TNNI3K: variants seen among roughly 807,000 people sequenced by gnomAD.
TNNI3K encodes the protein serine/threonine-protein kinase TNNI3K.
TNNI3K carries 140 observed loss-of-function variants against 114.5 expected under a neutral mutation model. The observed-to-expected ratio is 1.22, with a 90% CI of 1.07 to 1.41. The LOEUF (loss-of-function observed/expected upper bound fraction) is 1.41. TNNI3K is among the 40% of genes most tolerant of loss of function. The pLI, the probability that TNNI3K is intolerant of heterozygous loss-of-function variation, is 0.00. For missense variants in TNNI3K, 1,125 were observed against 1,007.6 expected, an observed-to-expected ratio of 1.12 and a Z score of -1.58; for synonymous variants, 347 against 347.5, an observed-to-expected ratio of 1.00 and a Z score of 0.02.
chr1:74,257,968 C>T (rs1655432218), intron 4 of TNNI3K, among the ~76,000 whole-genome samples: 1 of 152,010 alleles, frequency 6.6e-6, no homozygotes. Context: ...TGCCCGGCCG[C>T]CTCTCGGCAT....
At chr1:74,533,196 A>G (rs1293168118) in intron 23 of TNNI3K, among the ~76,000 whole-genome samples, 1 of 152,212 alleles carries the variant, frequency 6.6e-6, no homozygotes, top group East Asian at 1.9e-4. Flanking sequence ...CAGAATCTAC[A>G]ATGAACTCAA....
intron 21 of TNNI3K, chr1:74,475,428 A>G (rs1668148662): frequency 1.4e-6 from 1 of 717,022 alleles, no homozygotes; most frequent in Admixed American, 2.0e-5. Context: ...TCATATTTCC[A>G]GGAGGCTCTG....
intron 17 of TNNI3K, among the ~76,000 whole-genome samples, chr1:74,420,262 T>C (rs1308407907): frequency 6.6e-6 from 1 of 152,150 alleles, no homozygotes; most frequent in Non-Finnish European, 1.5e-5. Context: ...TTTAAATTAA[T>C]ATATTTTAAA....
intron 13 of TNNI3K, among the ~76,000 whole-genome samples, chr1:74,368,556 G>A (rs1004032235): frequency 3.3e-5 from 5 of 151,734 alleles, no homozygotes; most frequent in South Asian, 2.1e-4. Flanking sequence ...ATGGATATTT[G>A]GCTAAGCCTA....
At chr1:74,459,193 A>G (rs1169440165) in intron 20 of TNNI3K, among the ~76,000 whole-genome samples, 1 of 152,234 alleles carries the variant, frequency 6.6e-6, no homozygotes, top group Non-Finnish European at 1.5e-5. Flanking sequence ...TTGCAGCAAC[A>G]TGGATGTAGC....
chr1:74,453,446 G>A (rs1172773384), intron 20 of TNNI3K, among the ~76,000 whole-genome samples: 1 of 152,130 alleles, frequency 6.6e-6, no homozygotes, highest in Non-Finnish European at 1.5e-5. Context: ...CTACATATTA[G>A]CCATTTACAA....
At chr1:74,491,529 C>T (rs1669075697) in intron 22 of TNNI3K, among the ~76,000 whole-genome samples, 1 of 152,138 alleles carries the variant, frequency 6.6e-6, no homozygotes, top group South Asian at 2.1e-4. Flanking sequence ...TGTGAGCCAC[C>T]ACACCCAGCC....
chr1:74,534,816 G>A (rs1646640075), intron 23 of TNNI3K, among the ~76,000 whole-genome samples: 1 of 152,098 alleles, frequency 6.6e-6, no homozygotes, highest in Non-Finnish European at 1.5e-5. Flanking sequence ...CCTTAACGAT[G>A]GGTTTATGTG....
intron 5 of TNNI3K, among the ~76,000 whole-genome samples, chr1:74,277,071 C>T (rs1656728877): frequency 6.6e-6 from 1 of 152,046 alleles, no homozygotes; most frequent in Non-Finnish European, 1.5e-5. Context: ...CTCTTTTTCC[C>T]TTTAGGTTTG....
At chr1:74,328,909 G>C (rs1036378024) in intron 5 of TNNI3K, among the ~76,000 whole-genome samples, 3 of 152,030 alleles carry the variant, frequency 2.0e-5, no homozygotes, top group African/African-American at 7.2e-5. Flanking sequence ...ATTGTAAAAA[G>C]CTTAATCTAC....
intron 5 of TNNI3K, among the ~76,000 whole-genome samples, chr1:74,316,355 A>G (rs1335047261): frequency 2.0e-5 from 3 of 152,196 alleles, no homozygotes; most frequent in Admixed American, 6.5e-5. Context: ...AAAGTCTATG[A>G]GATATGCCAC....
intron 2 of TNNI3K, among the ~76,000 whole-genome samples, chr1:74,238,730 G>T (rs764706269): frequency 2.6e-4 from 39 of 151,966 alleles, no homozygotes; most frequent in Non-Finnish European, 2.5e-4. Context: ...AGACATTTTT[G>T]GAGAGAAAGA....
intron 22 of TNNI3K, among the ~76,000 whole-genome samples, chr1:74,491,202 G>A (rs190277838): frequency 1.0e-3 from 157 of 152,216 alleles, no homozygotes; most frequent in African/African-American, 3.5e-3. Context: ...GATAATTAGG[G>A]TGAGTCCAAC....
At chr1:74,428,624 A>G (rs935353080) in intron 17 of TNNI3K, among the ~76,000 whole-genome samples, 1 of 152,050 alleles carries the variant, frequency 6.6e-6, no homozygotes, top group African/African-American at 2.4e-5. Flanking sequence ...CCCAAGGTAC[A>G]CGGAGGTGTC....
chr1:74,524,322 C>T (rs1646474449), intron 23 of TNNI3K, among the ~76,000 whole-genome samples: 2 of 152,188 alleles, frequency 1.3e-5, no homozygotes, highest in Admixed American at 1.3e-4. Context: ...TGTGGGCCTG[C>T]CAGAAACAGA....
chr1:74,275,882 T>C (rs1350497643), intron 5 of TNNI3K, among the ~76,000 whole-genome samples: 1 of 152,070 alleles, frequency 6.6e-6, no homozygotes, highest in African/African-American at 2.4e-5. Context: ...AAGAGATTAG[T>C]AGAACACAGA....
chr1:74,531,252 A>G, intron 23 of TNNI3K, among the ~76,000 whole-genome samples: 1 of 152,264 alleles, frequency 6.6e-6, no homozygotes, highest in African/African-American at 2.4e-5. Flanking sequence ...GTTTCAATTT[A>G]GGACATTGTC....
At chr1:74,321,402 T>C (rs1284008307) in intron 5 of TNNI3K, among the ~76,000 whole-genome samples, 1 of 152,114 alleles carries the variant, frequency 6.6e-6, no homozygotes, top group African/African-American at 2.4e-5. Flanking sequence ...TTTTAAACCA[T>C]AAATATCCTA....
At chr1:74,377,601 A>T (rs1232804641) in intron 17 of TNNI3K, among the ~76,000 whole-genome samples, 2 of 152,068 alleles carry the variant, frequency 1.3e-5, no homozygotes, top group African/African-American at 4.8e-5. Flanking sequence ...AAAGAGAAGG[A>T]TTCATATATA....
Sources: gnomAD v4.1 joint callset for allele counts (sites outside exome capture counted in the v4.1 genomes callset) on GRCh38, gnomAD v4.1.1 for gene constraint, MANE v1.5 for transcripts, NCBI Gene and HGNC (gene_info 2026-07-23, HGNC 2026-07-21) for gene names.